The following NETO1 variants were observed in gnomAD, a reference collection of about 807,000 sequenced individuals.
NETO1 encodes the protein neuropilin and tolloid-like protein 1.
A neutral mutation model predicts 61.3 loss-of-function variants in NETO1; 26 were observed. The ratio of observed to expected loss-of-function variants is 0.42; its 90% confidence interval spans 0.31 to 0.59. The LOEUF (loss-of-function observed/expected upper bound fraction) is 0.59. Ranked by LOEUF, NETO1 falls within the 20% of genes least tolerant of loss-of-function variation. The pLI is 0.12. For missense variants in NETO1, 531 were observed against 662.8 expected (o/e 0.80, Z 2.18); for synonymous variants, 225 against 225.8 (o/e 1.00, Z 0.03).
chr18:72,824,762 C>T (rs2073322829), intron 4 of NETO1, among the ~76,000 whole-genome samples: 1 of 151,588 alleles, frequency 6.6e-6, no homozygotes, highest in African/African-American at 2.4e-5. Context: ...GCCTGTAGTC[C>T]CAGCTACGCC....
intron 3 of NETO1, among the ~76,000 whole-genome samples, chr18:72,862,224 G>A (rs2074594890): frequency 6.6e-6 from 1 of 152,192 alleles, no homozygotes; most frequent in Non-Finnish European, 1.5e-5. Context: ...TCTATCTAAG[G>A]TTAATTAAAT....
At chr18:72,862,612 C>CT (rs147165249) in intron 3 of NETO1, among the ~76,000 whole-genome samples, 37,059 of 106,664 alleles carry the variant, frequency 0.35, 5,271 homozygotes, top group East Asian at 0.58. Flanking sequence ...ACTCATGATC[C>CT]TTTTTTTTTC....
chr18:72,807,053 G>A (rs147163076), intron 4 of NETO1, among the ~76,000 whole-genome samples: 1,821 of 152,296 alleles, frequency 0.012, 17 homozygotes, highest in Non-Finnish European at 0.018. Flanking sequence ...CTTAACAGCA[G>A]AGTAAAGAAT....
At chr18:72,851,340 G>A (rs542783107) in intron 4 of NETO1, among the ~76,000 whole-genome samples, 3 of 152,140 alleles carry the variant, frequency 2.0e-5, no homozygotes, top group South Asian at 4.1e-4. Context: ...GAACCCGGGA[G>A]AAGGAGGTTG....
At chr18:72,760,269 A>G (rs1272232499) in intron 7 of NETO1, among the ~76,000 whole-genome samples, 3 of 152,246 alleles carry the variant, frequency 2.0e-5, no homozygotes, top group African/African-American at 7.2e-5. Flanking sequence ...TAGAAAGTAG[A>G]CACTACAACA....
chr18:72,848,070 C>A (rs1177746432), intron 4 of NETO1, among the ~76,000 whole-genome samples: 2 of 152,168 alleles, frequency 1.3e-5, no homozygotes, highest in Admixed American at 1.3e-4. Context: ...CTTCTACTTC[C>A]CTGTTCCATA....
At chr18:72,827,247 A>G (rs947805715) in intron 4 of NETO1, among the ~76,000 whole-genome samples, 16 of 152,196 alleles carry the variant, frequency 1.1e-4, no homozygotes, top group African/African-American at 3.9e-4. Flanking sequence ...CTTAAAAACA[A>G]CTGAGGACTT....
At chr18:72,797,317 T>C (rs1418358639) in intron 4 of NETO1, among the ~76,000 whole-genome samples, 1 of 152,208 alleles carries the variant, frequency 6.6e-6, no homozygotes, top group African/African-American at 2.4e-5. Flanking sequence ...TGAAAATTTA[T>C]TTTTGTCTTT....
chr18:72,851,094 CT>C (rs2074234463), intron 4 of NETO1, among the ~76,000 whole-genome samples: 1 of 152,124 alleles, frequency 6.6e-6, no homozygotes, highest in African/African-American at 2.4e-5. Flanking sequence ...CCAAAGAAAC[CT>C]GGGTGTTAGG....
intron 7 of NETO1, among the ~76,000 whole-genome samples, chr18:72,757,148 T>A (rs2070809769): frequency 6.6e-6 from 1 of 152,126 alleles, no homozygotes; most frequent in Non-Finnish European, 1.5e-5. Flanking sequence ...TCTAGCAAAA[T>A]CTATTGCACA....
At position 72,780,205 on chromosome 18, in the gene NETO1, A is replaced by T. The variant is rs141210384; in HGVS notation, c.868+3473T>A. Among the ~76,000 whole-genome samples, 43 of 152,320 alleles carry T rather than the reference A, an allele frequency of 2.8e-4. No homozygotes were observed. The East Asian group carries it at 6.4e-3, about 23-fold the overall frequency. Reference sequence around the variant, plus strand: ...AAACTTCCTGTAAATTTATGAGATGATCACAGAGAACGCTGTTGTAAAACT... The same window carrying T: ...AAACTTCCTGTAAATTTATGAGATGTTCACAGAGAACGCTGTTGTAAAACT... On this transcript the variant is annotated intron_variant, in intron 7 of 10. Transcript: ENST00000327305.
chr18:72,773,405 T>C (rs1027119864), intron 7 of NETO1, among the ~76,000 whole-genome samples: 5 of 152,160 alleles, frequency 3.3e-5, no homozygotes, highest in Non-Finnish European at 7.3e-5. Flanking sequence ...AACCAAATGA[T>C]ATCCCAGGCT....
chr18:72,865,050 A>C, intron 2 of NETO1, 105 bp from the exon 3 acceptor site: 1 of 1,436,130 alleles, frequency 7.0e-7, no homozygotes, highest in South Asian at 1.3e-5. Context: ...TTAATTTTTA[A>C]ATGTTGTCTT....
chr18:72,842,168 A>T (rs1472242041), intron 4 of NETO1, among the ~76,000 whole-genome samples: 1 of 152,186 alleles, frequency 6.6e-6, no homozygotes, highest in Non-Finnish European at 1.5e-5. Context: ...GTGGGGGGAA[A>T]TGTTCAAAAT....
At chr18:72,790,448 C>G (rs2072077187) in intron 6 of NETO1, among the ~76,000 whole-genome samples, 1 of 152,040 alleles carries the variant, frequency 6.6e-6, no homozygotes, top group Admixed American at 6.6e-5. Flanking sequence ...TAACCTTGCT[C>G]CAGCTCTGTT....
intron 4 of NETO1, among the ~76,000 whole-genome samples, chr18:72,832,458 C>T (rs911281106): frequency 6.6e-6 from 1 of 152,102 alleles, no homozygotes; most frequent in African/African-American, 2.4e-5. Context: ...ACATTTATCT[C>T]TCAGGAAAAA....
intron 7 of NETO1, among the ~76,000 whole-genome samples, chr18:72,776,051 C>CA (rs1568190504): frequency 6.6e-6 from 1 of 151,758 alleles, no homozygotes; most frequent in Admixed American, 6.6e-5. Context: ...CCCAAAAAAA[C>CA]AAAAAATAAA....
At chr18:72,762,681 CTGT>C (rs1201484639) in intron 7 of NETO1, among the ~76,000 whole-genome samples, 1 of 152,136 alleles carries the variant, frequency 6.6e-6, no homozygotes, top group Non-Finnish European at 1.5e-5. Context: ...CTCTTGAATT[CTGT>C]TTTTAAACCC....
rs969629053 is a variant in NETO1, at chr18:72,747,991, C to A, written c.*188G>T. The A allele has an allele frequency of 2.9e-5, 9 of 310,586 alleles. No homozygotes were observed. Among genetic ancestry groups the A allele is most frequent in the Non-Finnish European group, 2.3e-5 (5 of 212,986 alleles). The allele number at this position is 310,586 out of a possible 1,614,324, so 19.2% of individuals were successfully genotyped here. A position where few individuals can be genotyped will look rare whatever the true frequency, so the allele number is the denominator to read the frequency against. ...CACTTGGTGGCCAGCAACCAAATTA[C>A]GAAATGAACATATCAGTGTGCAGCG... On this transcript the variant is annotated 3_prime_UTR_variant, in exon 11 of 11. Transcript: ENST00000327305.
Sources: gnomAD v4.1 joint callset for allele counts (sites outside exome capture counted in the v4.1 genomes callset) on GRCh38, gnomAD v4.1.1 for gene constraint, MANE v1.5 for transcripts, NCBI Gene and HGNC (gene_info 2026-07-23, HGNC 2026-07-21) for gene names.